The following SLC4A5 variants were observed in gnomAD, a reference collection of about 807,000 sequenced individuals.
The protein encoded by SLC4A5 is electrogenic sodium bicarbonate cotransporter 4.
A neutral mutation model predicts 120.4 loss-of-function variants in SLC4A5; 96 were observed. The observed-to-expected ratio is 0.80, with a 90% CI of 0.68 to 0.94. SLC4A5 has a LOEUF of 0.94. Ranked by LOEUF, SLC4A5 falls within the 40% of genes least tolerant of loss-of-function variation. The pLI, the probability that SLC4A5 is intolerant of heterozygous loss-of-function variation, is 0.00. For synonymous variants in SLC4A5, 550 were observed against 571.1 expected, an observed-to-expected ratio of 0.96 and a Z score of 0.53; for missense variants, 1,259 against 1,459.5, an observed-to-expected ratio of 0.86 and a Z score of 2.24.
intron 2 of SLC4A5, 123 bp downstream of exon 2, chr2:74,342,335 A>G (rs560504285): frequency 6.6e-6 from 1 of 152,306 alleles, no homozygotes; most frequent in East Asian, 1.9e-4. Context: ...ACTTGACTGG[A>G]GAGGGTGTGG....
chr2:74,232,770 G>A (rs1670138663), intron 23 of SLC4A5, 123 bp from the exon 24 acceptor site: 5 of 1,235,926 alleles, frequency 4.0e-6, no homozygotes, highest in Admixed American at 2.7e-5. Context: ...AGGGGCCTGA[G>A]GTGCTCCTTG....
chr2:74,337,651 G>A (rs1011628694), intron 3 of SLC4A5, among the ~76,000 whole-genome samples: 8 of 152,166 alleles, frequency 5.3e-5, no homozygotes, highest in South Asian at 2.1e-4. Context: ...CTTGGGCAGC[G>A]GACAAAGGCA....
chr2:74,259,437 A>C (rs1671067985), intron 12 of SLC4A5, 151 bp downstream of exon 12: 2 of 876,180 alleles, frequency 2.3e-6, no homozygotes, highest in Non-Finnish European at 3.7e-6. Flanking sequence ...AAAGTCCCCC[A>C]GGCAGCCCAG....
chr2:74,338,811 C>T (rs552978250), intron 3 of SLC4A5, 44 bp downstream of exon 3: 27 of 152,102 alleles, frequency 1.8e-4, no homozygotes, highest in African/African-American at 6.5e-4. Flanking sequence ...AAGACTCCAT[C>T]TCAAAAAAAT....
exon 16 of SLC4A5, chr2:74,252,321 G>T (rs780651635): frequency 6.2e-7 from 1 of 1,613,254 alleles, no homozygotes; most frequent in Non-Finnish European, 8.5e-7. Flanking sequence ...CCTCCTCCAG[G>T]AGCTCCGCCG....
chr2:74,232,511 T>C, exon 24 of SLC4A5: 1 of 1,614,050 alleles, frequency 6.2e-7, no homozygotes, highest in South Asian at 1.1e-5. Context: ...GGCACTGGTC[T>C]CTGTCTCCAT....
intron 4 of SLC4A5, among the ~76,000 whole-genome samples, chr2:74,328,764 G>A (rs1673279002): frequency 6.6e-6 from 1 of 152,198 alleles, no homozygotes; most frequent in Admixed American, 6.5e-5. Flanking sequence ...CTGCTGAGAT[G>A]TTGATAAAGG....
At chr2:74,217,878 A>T (rs1009979173) in exon 31 of SLC4A5, 1 of 152,268 alleles carries the variant, frequency 6.6e-6, no homozygotes, top group African/African-American at 2.4e-5. Context: ...ATCTCAGCTC[A>T]CTGCAACTTC....
chr2:74,314,965 C>T, exon 6 of SLC4A5: 5 of 1,609,670 alleles, frequency 3.1e-6, no homozygotes, highest in East Asian at 2.2e-5. Context: ...CGGAAATCTC[C>T]TCCTGTGGTT....
exon 18 of SLC4A5, chr2:74,248,396 C>A (rs1670685821): frequency 6.2e-7 from 1 of 1,614,038 alleles, no homozygotes; most frequent in Non-Finnish European, 8.5e-7. Context: ...AGGATGGGCC[C>A]CGTGCTGCTG....
At chr2:74,247,450 A>G in intron 18 of SLC4A5, 143 bp from the exon 19 acceptor site, 1 of 841,430 alleles carries the variant, frequency 1.2e-6, no homozygotes, top group Admixed American at 2.9e-5. Flanking sequence ...GGGGACAGGG[A>G]CAATTCTTGG....
intron 22 of SLC4A5, among the ~76,000 whole-genome samples, chr2:74,233,900 C>T (rs1050775446): frequency 6.6e-6 from 1 of 152,158 alleles, no homozygotes; most frequent in Non-Finnish European, 1.5e-5. Flanking sequence ...TGAGGCCCAG[C>T]AGAAAAGAAT....
At chr2:74,266,862 T>C (rs192592085) in intron 8 of SLC4A5, among the ~76,000 whole-genome samples, 37 of 152,278 alleles carry the variant, frequency 2.4e-4, no homozygotes, top group Admixed American at 2.4e-3. Context: ...AAAACTTCTA[T>C]ATAGTAAAAT....
chr2:74,227,478 T>C, intron 26 of SLC4A5: 1 of 1,591,024 alleles, frequency 6.3e-7, no homozygotes, highest in Non-Finnish European at 8.6e-7. Context: ...TCTGCATAGC[T>C]GCCTTAGGGA....
At chr2:74,309,999 T>C (rs1319870780) in intron 6 of SLC4A5, among the ~76,000 whole-genome samples, 3 of 152,188 alleles carry the variant, frequency 2.0e-5, no homozygotes, top group Non-Finnish European at 4.4e-5. Context: ...TTGATTTCTT[T>C]CATTACTTTT....
chr2:74,234,461 GC>G (rs1670205947), intron 22 of SLC4A5, among the ~76,000 whole-genome samples: 2 of 152,172 alleles, frequency 1.3e-5, no homozygotes, highest in African/African-American at 2.4e-5. Context: ...ATAGGCGTGA[GC>G]CACCGCACCT....
intron 6 of SLC4A5, among the ~76,000 whole-genome samples, chr2:74,312,327 T>C (rs1672833059): frequency 6.6e-6 from 1 of 151,800 alleles, no homozygotes; most frequent in Non-Finnish European, 1.5e-5. Flanking sequence ...ACCTGCTGGG[T>C]TCAACTGATT....
intron 10 of SLC4A5, 128 bp from the exon 11 acceptor site, chr2:74,262,360 A>ACTCTT (rs1671166394): frequency 1.9e-6 from 1 of 536,274 alleles, no homozygotes; most frequent in African/African-American, 2.0e-5. Flanking sequence ...CTGGGAAGAA[A>ACTCTT]TTCTTTTTTT....
intron 28 of SLC4A5, among the ~76,000 whole-genome samples, chr2:74,223,186 A>G (rs1240277802): frequency 6.6e-6 from 1 of 151,920 alleles, no homozygotes; most frequent in African/African-American, 2.4e-5. Context: ...TTGTATTTTT[A>G]GTAGAGATGG....
Sources: allele counts gnomAD v4.1 joint callset (sites outside exome capture counted in the v4.1 genomes callset), GRCh38; gene constraint gnomAD v4.1.1; transcripts MANE v1.5; gene names NCBI Gene and HGNC (gene_info 2026-07-23, HGNC 2026-07-21).